MYBPC1: variants seen among roughly 807,000 people sequenced by gnomAD.
The protein encoded by MYBPC1 is myosin-binding protein C, slow-type.
MYBPC1 carries 52 observed loss-of-function variants against 147.1 expected under a neutral mutation model. That is an observed-to-expected ratio of 0.35 (90% confidence interval 0.28 to 0.45). The LOEUF is 0.45. MYBPC1 is among the 20% of genes least tolerant of loss of function. The pLI is 1.00. For missense variants in MYBPC1, 1,228 were observed against 1,440.3 expected, an observed-to-expected ratio of 0.85 and a Z score of 2.39; for synonymous variants, 477 against 475.9, an observed-to-expected ratio of 1.00 and a Z score of -0.03.
chr12:101,643,712 A>G (rs1892530443), intron 11 of MYBPC1, among the ~76,000 whole-genome samples: 1 of 152,166 alleles, frequency 6.6e-6, no homozygotes, highest in Admixed American at 6.5e-5. Context: ...GAAGTTAACT[A>G]TCTTTATTTA....
intron 1 of MYBPC1, among the ~76,000 whole-genome samples, chr12:101,612,745 G>A (rs755166451): frequency 2.0e-5 from 3 of 152,168 alleles, no homozygotes; most frequent in Admixed American, 6.5e-5. Context: ...TTGGCATCTC[G>A]CTCTCAGTAT....
intron 8 of MYBPC1, among the ~76,000 whole-genome samples, chr12:101,632,874 C>G (rs977652473): frequency 6.6e-6 from 1 of 152,046 alleles, no homozygotes; most frequent in African/African-American, 2.4e-5. Context: ...GGATTACAGG[C>G]GTGTGCCACC....
intron 10 of MYBPC1, among the ~76,000 whole-genome samples, chr12:101,638,419 C>G (rs1354023434): frequency 6.6e-6 from 1 of 152,148 alleles, no homozygotes; most frequent in Non-Finnish European, 1.5e-5. Context: ...AAATATTTGA[C>G]CCCTCTGAGA....
At chr12:101,608,034 G>T (rs1249709033) in intron 1 of MYBPC1, among the ~76,000 whole-genome samples, 2 of 152,144 alleles carry the variant, frequency 1.3e-5, no homozygotes, top group African/African-American at 2.4e-5. Context: ...TGCCACCAGT[G>T]CCCGTCAATT....
At chr12:101,629,180 A>G in intron 5 of MYBPC1, 1 of 476,028 alleles carries the variant, frequency 2.1e-6, no homozygotes, top group Non-Finnish European at 3.9e-6. Flanking sequence ...ATAACAGCTT[A>G]CCTGGAAAGT....
At chr12:101,631,987 T>A in intron 7 of MYBPC1, 34 bp from the exon 8 acceptor site, 1 of 1,530,104 alleles carries the variant, frequency 6.5e-7, no homozygotes, top group Non-Finnish European at 9.1e-7. Flanking sequence ...GAAAATAAAC[T>A]GAAATGTGTG....
intron 24 of MYBPC1, among the ~76,000 whole-genome samples, 179 bp from the exon 25 acceptor site, chr12:101,673,248 C>T (rs1015093117): frequency 6.6e-6 from 1 of 152,122 alleles, no homozygotes; most frequent in Non-Finnish European, 1.5e-5. Flanking sequence ...AAGGTAGTGC[C>T]TTGCACATAA....
At chr12:101,648,006 G>C in intron 13 of MYBPC1, 39 bp from the exon 14 acceptor site, 1 of 1,506,914 alleles carries the variant, frequency 6.6e-7, no homozygotes, top group Non-Finnish European at 9.2e-7. Flanking sequence ...ATAGGCTTTG[G>C]ATATTTAATG....
intron 8 of MYBPC1, among the ~76,000 whole-genome samples, chr12:101,633,461 G>C (rs2136078676): frequency 6.6e-6 from 1 of 152,190 alleles, no homozygotes; most frequent in African/African-American, 2.4e-5. Flanking sequence ...GGCCGGGGCG[G>C]GCAGATCACG....
intron 1 of MYBPC1, among the ~76,000 whole-genome samples, chr12:101,614,256 A>G (rs1290396242): frequency 3.3e-5 from 5 of 152,076 alleles, no homozygotes; most frequent in South Asian, 4.1e-4. Context: ...CTGGAAATCT[A>G]TATACCACAC....
chr12:101,661,916 G>GAAAGACAGAAAGA (rs1896646230), intron 20 of MYBPC1, among the ~76,000 whole-genome samples: 1 of 124,882 alleles, frequency 8.0e-6, no homozygotes, highest in Admixed American at 8.6e-5. Context: ...AAAAAAAAAA[G>GAAAGACAGAAAGA]AAAGAAAAAA....
In MYBPC1 at chr12:101,675,298, C is replaced by T. The variant is rs754698769; in HGVS notation, c.2816C>T (p.Pro939Leu). 3.7e-6 allele frequency: 6 copies of T among 1,613,990 alleles called. No homozygotes were observed. Among genetic ancestry groups the T allele is most frequent in the East Asian group, 4.5e-5 (2 of 44,872 alleles). Residue 939 changes from proline to leucine, a missense_variant, in exon 26 of 32, where the codon CCA becomes CTA. Physicochemically the swap from Pro to Leu is moderately conservative, Grantham distance 98 (BLOSUM62 -3). This residue lies in a region of MYBPC1 where 1,077 missense variants were observed against 1,314.2 expected (regional missense o/e 0.82). Transcript: ENST00000361466. ...ASIDIQIIDRPGPPQIVKIED... is the reference protein window; with the variant it reads ...ASIDIQIIDRLGPPQIVKIED... Reference sequence around the variant, plus strand: ...CCATGAATTCATCCTGTAGACCGTCCAGGTCCACCCCAAATTGTGAAGATT... The same window carrying T: ...CCATGAATTCATCCTGTAGACCGTCTAGGTCCACCCCAAATTGTGAAGATT...
rs192477249 is a variant in MYBPC1, at chr12:101,678,321, C to T, written c.3246+83C>T. ...AATGTAAGTAACAATGTAAACAAAT[C>T]CAGCTGCTACTTGTGTCTTCCCAGG... On this transcript the variant is annotated intron_variant, in intron 28 of 31. Coordinates refer to ENST00000361466, the MANE Select transcript of MYBPC1 (RefSeq NM_002465.4). 3.0e-3 allele frequency: 4,683 copies of T among 1,560,836 alleles called. 11 individuals are homozygous for T. Among genetic ancestry groups the T allele is most frequent in the Non-Finnish European group, 3.8e-3 (4,315 of 1,132,922 alleles).
At chr12:101,636,483 T>C (rs1278353730) in intron 9 of MYBPC1, among the ~76,000 whole-genome samples, 189 bp from the exon 10 acceptor site, 2 of 152,226 alleles carry the variant, frequency 1.3e-5, no homozygotes, top group East Asian at 3.8e-4. Context: ...GCTCCTCATA[T>C]GTTTACTTTT....
intron 28 of MYBPC1, 119 bp downstream of exon 28, chr12:101,678,357 A>G: frequency 4.3e-6 from 6 of 1,402,234 alleles, no homozygotes; most frequent in Non-Finnish European, 6.0e-6. Flanking sequence ...ATGGGGGATT[A>G]GAAGGTGGTA....
intron 10 of MYBPC1, among the ~76,000 whole-genome samples, chr12:101,641,564 A>G (rs954666757): frequency 1.3e-5 from 2 of 152,184 alleles, no homozygotes; most frequent in Non-Finnish European, 2.9e-5. Context: ...TTGGGGTCAT[A>G]ATTTTGGTAT....
intron 24 of MYBPC1, among the ~76,000 whole-genome samples, chr12:101,670,664 G>A (rs1024099343): frequency 6.6e-6 from 1 of 152,160 alleles, no homozygotes. Flanking sequence ...GAAGCTCAGC[G>A]ACTATGGTGG....
intron 22 of MYBPC1, chr12:101,664,483 A>G (rs1179734072): frequency 6.6e-6 from 1 of 152,234 alleles, no homozygotes; most frequent in Admixed American, 6.5e-5. Flanking sequence ...TTTAACACAG[A>G]TCCTCGAAGT....
chr12:101,623,438 TATCA>T (rs1301291260), intron 3 of MYBPC1, among the ~76,000 whole-genome samples: 1 of 152,234 alleles, frequency 6.6e-6, no homozygotes, highest in Non-Finnish European at 1.5e-5. Flanking sequence ...TATTATGATG[TATCA>T]ATCAATTTTT....
Sources: allele counts gnomAD v4.1 joint callset (sites outside exome capture counted in the v4.1 genomes callset), GRCh38; gene constraint gnomAD v4.1.1; regional missense constraint gnomAD v4.1.1; transcripts MANE v1.5; gene names NCBI Gene and HGNC (gene_info 2026-07-23, HGNC 2026-07-21).